PPP2R2B: variants seen among roughly 807,000 people sequenced by gnomAD.
PPP2R2B encodes the protein serine/threonine-protein phosphatase 2A 55 kDa regulatory subunit B beta isoform.
In PPP2R2B, 5 loss-of-function variants were observed where a neutral mutation model predicts 46.0. The ratio of observed to expected loss-of-function variants is 0.11; its 90% CI spans 0.06 to 0.23. The LOEUF (loss-of-function observed/expected upper bound fraction) is 0.23, where lower values mean the gene tolerates loss of function less well. PPP2R2B is among the 10% of genes least tolerant of loss of function. The probability of loss-of-function intolerance (pLI) is 1.00; values close to 1 mark genes in which losing one functional copy is unlikely to be tolerated. For synonymous variants in PPP2R2B, 215 were observed against 206.7 expected, an observed-to-expected ratio of 1.04 and a Z score of -0.34; for missense variants, 367 against 575.0, an observed-to-expected ratio of 0.64 and a Z score of 3.70.
chr5:146,973,077 GTTC>G (rs1752737330), intron 1 of PPP2R2B, among the ~76,000 whole-genome samples: 1 of 44,180 alleles, frequency 2.3e-5, no homozygotes, highest in Admixed American at 2.4e-4. Context: ...CTTTAAAAAT[GTTC>G]TGTGGTATCC....
intron 1 of PPP2R2B, among the ~76,000 whole-genome samples, chr5:146,914,691 G>A (rs1271102716): frequency 6.6e-6 from 1 of 152,152 alleles, no homozygotes; most frequent in Non-Finnish European, 1.5e-5. Flanking sequence ...GGGGACACTG[G>A]CAAAGAATAA....
intron 1 of PPP2R2B, among the ~76,000 whole-genome samples, chr5:146,944,398 T>C (rs1190163295): frequency 1.3e-5 from 2 of 152,160 alleles, no homozygotes; most frequent in Non-Finnish European, 2.9e-5. Context: ...TTTGTTTTCA[T>C]TATTAGATTA....
chr5:146,984,385 G>A (rs1375460236), intron 1 of PPP2R2B, among the ~76,000 whole-genome samples: 1 of 152,156 alleles, frequency 6.6e-6, no homozygotes, highest in East Asian at 1.9e-4. Context: ...ATGTTCTCCA[G>A]TTCCATCTAT....
At chr5:146,864,888 T>C (rs1434945962) in intron 2 of PPP2R2B, among the ~76,000 whole-genome samples, 2 of 152,146 alleles carry the variant, frequency 1.3e-5, no homozygotes, top group African/African-American at 4.8e-5. Context: ...AAAATATGGA[T>C]AGAACAAAAG....
chr5:146,818,339 T>TA (rs1327445786), intron 2 of PPP2R2B, among the ~76,000 whole-genome samples: 6 of 145,482 alleles, frequency 4.1e-5, no homozygotes, highest in Non-Finnish European at 9.0e-5. Context: ...TCATCTATGC[T>TA]AAAAAAAATT....
chr5:146,628,734 T>C (rs1274270979), intron 7 of PPP2R2B, among the ~76,000 whole-genome samples: 1 of 152,222 alleles, frequency 6.6e-6, no homozygotes, highest in Non-Finnish European at 1.5e-5. Context: ...GAACCTACTA[T>C]GTGTCAGGCA....
At chr5:147,050,959 C>T (rs1756784556) in intron 1 of PPP2R2B, among the ~76,000 whole-genome samples, 2 of 151,818 alleles carry the variant, frequency 1.3e-5, no homozygotes, top group Admixed American at 1.3e-4. Flanking sequence ...ATTCACTCTC[C>T]CCACCCTCCC....
intron 2 of PPP2R2B, among the ~76,000 whole-genome samples, chr5:146,862,544 A>C (rs1218064803): frequency 6.6e-6 from 1 of 152,182 alleles, no homozygotes; most frequent in Non-Finnish European, 1.5e-5. Context: ...AAAACTTCAC[A>C]GGAAAATGTG....
At chr5:146,960,200 A>G (rs1011213446) in intron 1 of PPP2R2B, among the ~76,000 whole-genome samples, 1 of 152,138 alleles carries the variant, frequency 6.6e-6, no homozygotes, top group African/African-American at 2.4e-5. Context: ...GGCTCTATTG[A>G]GAGTATCCAG....
At position 146,586,920 on chromosome 5, in the gene PPP2R2B, C is replaced by G. The variant is rs1770192462; in HGVS notation, c.*3027G>C. ...TACCAAAGTTCAGCTTTTTGCATTA[C>G]TTGTTTTTAACGTCAGGAACTGAAT... On this transcript the variant is annotated 3_prime_UTR_variant, in exon 10 of 10. Transcript: ENST00000394411. 1 of 152,124 alleles carries G rather than the reference C, an allele frequency of 6.6e-6. No homozygotes were observed. The highest frequency in any genetic ancestry group is 2.4e-5 in the African/African-American group (1 of 41,412). 9.4% of individuals were successfully genotyped at this position (152,124 alleles called of 1,614,324 possible).
intron 2 of PPP2R2B, among the ~76,000 whole-genome samples, chr5:146,780,026 T>C (rs997306157): frequency 6.6e-6 from 1 of 152,196 alleles, no homozygotes; most frequent in Non-Finnish European, 1.5e-5. Flanking sequence ...TAAGTGTTTT[T>C]AGAAACACAA....
At chr5:146,824,373 C>A (rs1758444958) in intron 2 of PPP2R2B, among the ~76,000 whole-genome samples, 1 of 152,144 alleles carries the variant, frequency 6.6e-6, no homozygotes, top group African/African-American at 2.4e-5. Context: ...GTTTTCAGGC[C>A]AATAAGGGCA....
chr5:147,014,855 G>A (rs984437502), intron 1 of PPP2R2B, among the ~76,000 whole-genome samples: 8 of 151,446 alleles, frequency 5.3e-5, no homozygotes, highest in African/African-American at 1.9e-4. Context: ...TGCACAATGT[G>A]CACATGTACC....
At chr5:146,929,055 C>T (rs891145691) in intron 1 of PPP2R2B, among the ~76,000 whole-genome samples, 1 of 152,258 alleles carries the variant, frequency 6.6e-6, no homozygotes, top group Admixed American at 6.5e-5. Context: ...CAAGTCTTTG[C>T]TCAGATATCA....
intron 2 of PPP2R2B, among the ~76,000 whole-genome samples, chr5:146,871,953 C>T (rs1338575657): frequency 6.6e-6 from 1 of 152,174 alleles, no homozygotes; most frequent in Non-Finnish European, 1.5e-5. Context: ...TAAGAAATAC[C>T]TAGGAAAATG....
At chr5:146,759,900 T>G (rs181505647) in intron 2 of PPP2R2B, among the ~76,000 whole-genome samples, 1 of 152,198 alleles carries the variant, frequency 6.6e-6, no homozygotes, top group Admixed American at 6.5e-5. Context: ...GTTATTGTGA[T>G]GTCTTACAGT....
At chr5:146,596,893 C>T (rs991150287) in intron 8 of PPP2R2B, among the ~76,000 whole-genome samples, 12 of 152,202 alleles carry the variant, frequency 7.9e-5, no homozygotes, top group African/African-American at 2.7e-4. Flanking sequence ...CCTGCTGGAA[C>T]ACAGAGTCAT....
chr5:146,881,307 AT>A (rs143091180), upstream of PPP2R2B, among the ~76,000 whole-genome samples: 3,304 of 145,268 alleles, frequency 0.023, 41 homozygotes, highest in Non-Finnish European at 0.032. Context: ...CTGCCTCCAC[AT>A]TTTTTTTTTG....
chr5:147,054,479 A>G, intron 1 of PPP2R2B: 1 of 291,206 alleles, frequency 3.4e-6, no homozygotes, highest in Non-Finnish European at 7.1e-6. Context: ...GGAAATGTCC[A>G]ACTGTAAAAA....
Sources: allele counts gnomAD v4.1 joint callset (sites outside exome capture counted in the v4.1 genomes callset), GRCh38; gene constraint gnomAD v4.1.1; transcripts MANE v1.5; gene names NCBI Gene and HGNC (gene_info 2026-07-23, HGNC 2026-07-21).